The following FBXW7 variants were observed in gnomAD, a reference collection of about 807,000 sequenced individuals.
The protein encoded by FBXW7 is F-box/WD repeat-containing protein 7.
FBXW7 carries 11 observed loss-of-function variants against 86.3 expected under a neutral mutation model. That is an observed-to-expected ratio of 0.13 (90% CI 0.08 to 0.21). FBXW7 has a LOEUF of 0.21. Ranked by LOEUF, FBXW7 falls within the 10% of genes least tolerant of loss-of-function variation. The pLI, the probability that FBXW7 is intolerant of heterozygous loss-of-function variation, is 1.00. For missense variants in FBXW7, 488 were observed against 847.4 expected (o/e 0.58, Z 5.27); for synonymous variants, 313 against 297.9 (o/e 1.05, Z -0.52).
chr4:152,421,129 T>C (rs1484872150), intron 2 of FBXW7, among the ~76,000 whole-genome samples: 2 of 152,128 alleles, frequency 1.3e-5, no homozygotes, highest in African/African-American at 4.8e-5. Context: ...ACTTGCTACT[T>C]TACCTTGTAC....
chr4:152,425,637 T>A (rs981068115), intron 2 of FBXW7, among the ~76,000 whole-genome samples: 1 of 150,916 alleles, frequency 6.6e-6, no homozygotes, highest in African/African-American at 2.4e-5. Context: ...ACCACAGTGT[T>A]GACATGAAGA....
intron 11 of FBXW7, among the ~76,000 whole-genome samples, chr4:152,327,362 TAGAC>T (rs143361453): frequency 0.014 from 2,084 of 152,148 alleles, 25 homozygotes; most frequent in Middle Eastern, 0.037. Flanking sequence ...GAAGATGCGA[TAGAC>T]AGAATTAAAG....
intron 7 of FBXW7, among the ~76,000 whole-genome samples, chr4:152,336,031 GTAA>G (rs903977379): frequency 6.6e-6 from 1 of 152,110 alleles, no homozygotes; most frequent in Admixed American, 6.6e-5. Flanking sequence ...TGACAAGAAG[GTAA>G]TAATGTTTTA....
intron 4 of FBXW7, among the ~76,000 whole-genome samples, chr4:152,408,742 T>C (rs1022534029): frequency 7.2e-5 from 11 of 152,172 alleles, no homozygotes; most frequent in African/African-American, 1.9e-4. Flanking sequence ...GGGGGCAGCA[T>C]AGCATGTGGA....
At chr4:152,390,555 T>C in intron 4 of FBXW7, among the ~76,000 whole-genome samples, 1 of 152,120 alleles carries the variant, frequency 6.6e-6, no homozygotes, top group Admixed American at 6.6e-5. Flanking sequence ...AAAAGCCTCA[T>C]GTAATGACAG....
At chr4:152,382,369 A>C in intron 4 of FBXW7, 1 of 1,471,370 alleles carries the variant, frequency 6.8e-7, no homozygotes, top group Non-Finnish European at 9.0e-7. Context: ...AATACTCTCT[A>C]CATGTAATAC....
chr4:152,485,338 T>C (rs1489221580), intron 2 of FBXW7, among the ~76,000 whole-genome samples: 3 of 152,134 alleles, frequency 2.0e-5, no homozygotes, highest in Non-Finnish European at 4.4e-5. Flanking sequence ...TCTGACTATA[T>C]ACCTTCACTG....
chr4:152,507,635 G>A (rs893933088), intron 2 of FBXW7, among the ~76,000 whole-genome samples: 1 of 152,210 alleles, frequency 6.6e-6, no homozygotes, highest in African/African-American at 2.4e-5. Flanking sequence ...CTGGGGGCAG[G>A]GGGAATGGAA....
At chr4:152,534,182 T>C (rs1053790746) in intron 2 of FBXW7, among the ~76,000 whole-genome samples, 3 of 150,358 alleles carry the variant, frequency 2.0e-5, no homozygotes, top group African/African-American at 4.9e-5. Context: ...GTATCCTAAA[T>C]TGATACAGAA....
chr4:152,500,543 C>T (rs1169460690), intron 2 of FBXW7, among the ~76,000 whole-genome samples: 1 of 146,016 alleles, frequency 6.8e-6, no homozygotes, highest in African/African-American at 2.5e-5. Flanking sequence ...TACATATAAT[C>T]CTTTTCTTCC....
intron 2 of FBXW7, among the ~76,000 whole-genome samples, chr4:152,492,516 A>T (rs530561028): frequency 6.6e-6 from 1 of 152,154 alleles, no homozygotes; most frequent in Non-Finnish European, 1.5e-5. Flanking sequence ...AGTGTTCTGG[A>T]TGGCTTCCTA....
intron 6 of FBXW7, 108 bp downstream of exon 6, chr4:152,346,822 C>T (rs929018754): frequency 4.3e-6 from 6 of 1,389,912 alleles, no homozygotes; most frequent in Non-Finnish European, 5.8e-6. Flanking sequence ...CAAAATTCAT[C>T]CACAGTATAC....
chr4:152,406,324 G>A (rs951432574), intron 4 of FBXW7, among the ~76,000 whole-genome samples: 7 of 151,844 alleles, frequency 4.6e-5, no homozygotes, highest in African/African-American at 1.7e-4. Flanking sequence ...AGCTGGGCAC[G>A]GTGGTCCACG....
Position 152,411,832 on chromosome 4 carries a change from A to G in FBXW7, c.-29T>C, listed in dbSNP as rs1353306799. On this transcript the variant is annotated 5_prime_UTR_variant, in exon 4 of 14. Coordinates refer to ENST00000281708, the MANE Select transcript of FBXW7 (RefSeq NM_001349798.2). ...CAAAAGCCAGCTTGCTACTTCTTGG[A>G]CCTTGGCTAGACTATCAGAAGATGC... is the stretch of plus-strand genomic sequence containing the variant. 2.5e-6 allele frequency: 4 copies of G among 1,571,214 alleles called. No homozygotes were observed. Among genetic ancestry groups the G allele is most frequent in the Non-Finnish European group, 3.5e-6 (4 of 1,157,794 alleles).
intron 2 of FBXW7, among the ~76,000 whole-genome samples, chr4:152,464,401 A>C (rs1044193295): frequency 2.0e-5 from 3 of 152,218 alleles, no homozygotes; most frequent in Non-Finnish European, 4.4e-5. Flanking sequence ...TTATTCTTTA[A>C]GACAGACTGA....
chr4:152,375,335 G>A (rs192261719), intron 4 of FBXW7, among the ~76,000 whole-genome samples: 9 of 152,054 alleles, frequency 5.9e-5, no homozygotes, highest in Non-Finnish European at 1.0e-4. Flanking sequence ...CAAAAAATGA[G>A]ACAACCATAA....
Position 152,397,695 on chromosome 4 carries a change from C to CAAAAAAAAAAA in FBXW7, c.501+13597_501+13607dup, listed in dbSNP as rs397995836. ...TTCTCATTTCTTTACCCTAAGAAGC[C>CAAAAAAAAAAA]AAAAAAAAAAAAAAAAAAAAAAAAA... is the stretch of plus-strand genomic sequence containing the variant. On this transcript the variant is annotated intron_variant, in intron 4 of 13. Transcript: ENST00000281708. Among the ~76,000 whole-genome samples, 43 of 60,370 alleles carry CAAAAAAAAAAA rather than the reference C, an allele frequency of 7.1e-4. 1 individual carries two copies. Among genetic ancestry groups the CAAAAAAAAAAA allele is most frequent in the African/African-American group, 2.3e-3 (42 of 18,016 alleles). 39.6% of individuals were successfully genotyped at this position (60,370 alleles called of 152,430 possible).
chr4:152,510,705 A>G (rs2149713651), intron 2 of FBXW7, among the ~76,000 whole-genome samples: 1 of 152,318 alleles, frequency 6.6e-6, no homozygotes, highest in Non-Finnish European at 1.5e-5. Context: ...AAAGACAGTG[A>G]CTGGGAAAAA....
chr4:152,451,038 T>C (rs1741865053), intron 2 of FBXW7, among the ~76,000 whole-genome samples: 3 of 152,218 alleles, frequency 2.0e-5, no homozygotes, highest in Admixed American at 1.3e-4. Flanking sequence ...ATGTATAGTA[T>C]TGTTGATTCT....
Sources: gnomAD v4.1 joint callset for allele counts (sites outside exome capture counted in the v4.1 genomes callset) on GRCh38, gnomAD v4.1.1 for gene constraint, MANE v1.5 for transcripts, NCBI Gene and HGNC (gene_info 2026-07-23, HGNC 2026-07-21) for gene names.